The following CFAP70 variants were observed in gnomAD, a reference collection of about 807,000 sequenced individuals.
CFAP70 encodes cilia- and flagella-associated protein 70.
A neutral mutation model predicts 137.6 loss-of-function variants in CFAP70; 81 were observed. That is an observed-to-expected ratio of 0.59 (90% CI 0.49 to 0.71). The LOEUF is 0.71. CFAP70 is among the 30% of genes least tolerant of loss of function. The probability of loss-of-function intolerance (pLI) is 0.00; values close to 1 mark genes in which losing one functional copy is unlikely to be tolerated. For synonymous variants in CFAP70, 382 were observed against 423.6 expected (o/e 0.90, Z 1.20); for missense variants, 976 against 1,226.7 (o/e 0.80, Z 3.05).
At chr10:73,291,479 A>G in intron 18 of CFAP70, 35 bp from the exon 20 acceptor site, 3 of 1,585,154 alleles carry the variant, frequency 1.9e-6, no homozygotes, top group Non-Finnish European at 2.6e-6. Flanking sequence ...ACATATGACT[A>G]TTTTCCCACT....
intron 16 of CFAP70, 115 bp downstream of exon 17, chr10:73,293,148 T>G (rs1378540912): frequency 6.9e-6 from 8 of 1,156,974 alleles, no homozygotes; most frequent in Non-Finnish European, 9.3e-6. Context: ...TGGACTTTAT[T>G]GTTCTATGTG....
upstream of CFAP70, among the ~76,000 whole-genome samples, chr10:73,361,639 A>C (rs773296761): frequency 5.3e-5 from 8 of 152,180 alleles, no homozygotes; most frequent in Non-Finnish European, 1.2e-4. Context: ...CTTTCTAATA[A>C]AATTTGAATG....
At chr10:73,278,385 G>T in intron 19 of CFAP70, 48 bp from the exon 21 acceptor site, 1 of 1,495,882 alleles carries the variant, frequency 6.7e-7, no homozygotes, top group Non-Finnish European at 9.1e-7. Flanking sequence ...TACATTGGGT[G>T]TTTAAAGGTT....
exon 10 of CFAP70, chr10:73,312,635 A>G: frequency 6.4e-7 from 1 of 1,567,298 alleles, no homozygotes; most frequent in African/African-American, 1.4e-5. Flanking sequence ...AGCTCAATAA[A>G]CATTTGGTCT....
chr10:73,299,169 CTG>C, intron 13 of CFAP70, 68 bp from the exon 15 acceptor site: 1 of 1,213,060 alleles, frequency 8.2e-7, no homozygotes, highest in Non-Finnish European at 1.2e-6. Context: ...AAGTCTAAAA[CTG>C]GATTTGGTTT....
At chr10:73,269,905 TA>T (rs1316043094) in intron 24 of CFAP70, among the ~76,000 whole-genome samples, 190 bp from the exon 26 acceptor site, 2 of 152,198 alleles carry the variant, frequency 1.3e-5, no homozygotes, top group Non-Finnish European at 2.9e-5. Context: ...GAGCTCTGAT[TA>T]AAAAGCCAGG....
intron 11 of CFAP70, 127 bp downstream of exon 12, chr10:73,311,707 C>A: frequency 1.2e-6 from 1 of 810,084 alleles, no homozygotes; most frequent in South Asian, 1.5e-5. Context: ...AAGTCATAGA[C>A]AACTAGTCAT....
intron 12 of CFAP70, among the ~76,000 whole-genome samples, chr10:73,308,373 A>G (rs890996051): frequency 2.6e-5 from 4 of 152,154 alleles, no homozygotes; most frequent in African/African-American, 9.7e-5. Flanking sequence ...TCATGCCTGT[A>G]ATCCCAGCAA....
intron 9 of CFAP70, among the ~76,000 whole-genome samples, chr10:73,320,067 AT>A (rs1221647315): frequency 1.3e-5 from 2 of 152,066 alleles, no homozygotes; most frequent in African/African-American, 4.8e-5. Context: ...GTATTCAAAT[AT>A]TTTCCCTAGT....
At chr10:73,322,704 T>C (rs1012696676) in intron 9 of CFAP70, among the ~76,000 whole-genome samples, 3 of 152,158 alleles carry the variant, frequency 2.0e-5, no homozygotes, top group African/African-American at 7.2e-5. Flanking sequence ...TATTCCATCA[T>C]ACAGAGGTAC....
At chr10:73,269,536 C>T in intron 25 of CFAP70, 78 bp downstream of exon 26, 3 of 919,686 alleles carry the variant, frequency 3.3e-6, no homozygotes, top group Non-Finnish European at 5.3e-6. Flanking sequence ...CATTAATGGC[C>T]ATCTGCTGCC....
In CFAP70 at chr10:73,273,024, A is replaced by G; in HGVS notation, c.2836-7T>C. The G allele has an allele frequency of 1.3e-6, 2 of 1,546,454 alleles. No individual in the cohort carries two copies. The highest frequency in any genetic ancestry group is 2.4e-5 in the South Asian group (2 of 83,914). ...TTTTCTTTGCCTTTTCATACTGTAG[A>G]AAGAAAGCACCACTAAGCTACTGTT... On this transcript the variant is annotated splice_region_variant and splice_polypyrimidine_tract_variant and intron_variant, in intron 23 of 26. Transcript: ENST00000310715.
At position 73,311,653 on chromosome 10, in the gene CFAP70, C is replaced by T. The variant is rs527303865; in HGVS notation, c.1164+181G>A. Among the ~76,000 whole-genome samples the T allele has an allele frequency of 1.2e-3, 177 of 152,242 alleles. 2 individuals carry two copies. The highest frequency in any genetic ancestry group is 6.8e-3 in the Middle Eastern group (2 of 294). ...AAGGACCTTAAAATTAACCTGGCAC[C>T]AGTTCACTTTACAGAGTTTCAACAA... On this transcript the variant is annotated intron_variant, in intron 11 of 26. Transcript: ENST00000310715.
chr10:73,352,422 G>A (rs976043986), intron 3 of CFAP70, among the ~76,000 whole-genome samples: 1 of 152,270 alleles, frequency 6.6e-6, no homozygotes, highest in East Asian at 1.9e-4. Flanking sequence ...TTAGGCTGCC[G>A]CTTTCATAGT....
intron 25 of CFAP70, among the ~76,000 whole-genome samples, chr10:73,265,334 AAAGAAG>A (rs1411253884): frequency 6.6e-6 from 1 of 150,670 alleles, no homozygotes; most frequent in Non-Finnish European, 1.5e-5. Context: ...AAAAAAAAAA[AAAGAAG>A]AAGAAGAAGA....
chr10:73,358,550 C>A (rs993462310), intron 1 of CFAP70, among the ~76,000 whole-genome samples: 1 of 152,214 alleles, frequency 6.6e-6, no homozygotes, highest in Admixed American at 6.5e-5. Flanking sequence ...GCGGCAGAGT[C>A]CGCACCTGGC....
intron 26 of CFAP70, 38 bp downstream of exon 27, chr10:73,256,331 C>A (rs1467327937): frequency 6.2e-7 from 1 of 1,612,918 alleles, no homozygotes. Context: ...CCACCCTTAA[C>A]ATGGGGCAGG....
At chr10:73,347,188 G>A (rs1245145813) in intron 4 of CFAP70, 1 of 152,100 alleles carries the variant, frequency 6.6e-6, no homozygotes, top group African/African-American at 2.4e-5. Context: ...TGAAGGGGGA[G>A]GCCTCCATTA....
intron 7 of CFAP70, among the ~76,000 whole-genome samples, chr10:73,334,195 T>G (rs1293120655): frequency 2.6e-5 from 4 of 152,232 alleles, no homozygotes; most frequent in African/African-American, 4.8e-5. Flanking sequence ...GATAGTTACC[T>G]ACACAATATC....
Sources: gnomAD v4.1 joint callset for allele counts (sites outside exome capture counted in the v4.1 genomes callset) on GRCh38, gnomAD v4.1.1 for gene constraint, MANE v1.5 for transcripts, NCBI Gene and HGNC (gene_info 2026-07-23, HGNC 2026-07-21) for gene names.